The following DUSP7 variants were observed in gnomAD, a reference collection of about 807,000 sequenced individuals.
DUSP7 encodes the protein dual specificity phosphatase 7.
A neutral mutation model predicts 29.8 loss-of-function variants in DUSP7; 7 were observed. The ratio of observed to expected loss-of-function variants is 0.24; its 90% CI spans 0.13 to 0.44. DUSP7 has a LOEUF of 0.44. DUSP7 is among the 20% of genes least tolerant of loss of function. The pLI is 1.00. For missense variants in DUSP7, 400 were observed against 583.7 expected, an observed-to-expected ratio of 0.69 and a Z score of 3.24; for synonymous variants, 287 against 275.4, an observed-to-expected ratio of 1.04 and a Z score of -0.42.
rs1371847714 is a variant in DUSP7, at chr3:52,053,886, T to G, written c.952+54A>C. The G allele has an allele frequency of 6.2e-7, 1 of 1,600,158 alleles. No individual in the cohort carries two copies. Among genetic ancestry groups the G allele is most frequent in the South Asian group, 1.1e-5 (1 of 90,526 alleles). ...AGTCAGGCGGGGGCGCCACCCAGAG[T>G]CCTGCATACACCTTGATGCACCCAC... On this transcript the variant is annotated intron_variant, in intron 2 of 2. Transcript: ENST00000495880. The surrounding 1 kb of genome is among the most constrained non-coding windows in gnomAD (Gnocchi z 4.6).
intron 2 of DUSP7, chr3:52,052,479 T>G (rs1701856959): frequency 6.6e-6 from 1 of 152,180 alleles, no homozygotes; most frequent in African/African-American, 2.4e-5. Context: ...TGAGGAGCTG[T>G]GTGGTCAGAC....
chr3:52,056,433 G>A lies in DUSP7; in HGVS notation c.-67C>T. ...CCCTGGGACGGCGCCCCGGCCGCGC[G>A]GGCCCCAGCCGCGTCTCCGGGCGCC... On this transcript the variant is annotated 5_prime_UTR_variant, in exon 1 of 3. Coordinates refer to ENST00000495880, the MANE Select transcript of DUSP7 (RefSeq NM_001947.4). The surrounding 1 kb of genome is among the most constrained non-coding windows in gnomAD (Gnocchi z 6.4). 3 of 886,090 alleles carry A rather than the reference G, an allele frequency of 3.4e-6. No homozygotes were observed. Among genetic ancestry groups the A allele is most frequent in the South Asian group, 5.0e-5 (1 of 19,806 alleles). 54.9% of individuals were successfully genotyped at this position (886,090 alleles called of 1,614,324 possible).
In DUSP7 at chr3:52,050,556, GA is replaced by G; in HGVS notation, c.*258del. Reference sequence around the variant, plus strand: ...CAGCAGAAAGGAGCGTCCTGGACAGGATGAGGCCCTGGTGGACGCCCAAAGC... The same window carrying G: ...CAGCAGAAAGGAGCGTCCTGGACAGGTGAGGCCCTGGTGGACGCCCAAAGC... On this transcript the variant is annotated 3_prime_UTR_variant, in exon 3 of 3. Transcript: ENST00000495880. The surrounding 1 kb of genome is among the most constrained non-coding windows in gnomAD (Gnocchi z 5.0). The G allele has an allele frequency of 2.1e-6, 1 of 485,764 alleles. No individual in the cohort carries two copies. Among genetic ancestry groups the G allele is most frequent in the Non-Finnish European group, 3.7e-6 (1 of 272,558 alleles). The allele number at this position is 485,764 out of a possible 1,614,324, so 30.1% of individuals were successfully genotyped here.
rs1293474702 is a variant in DUSP7, at chr3:52,056,113, G to A, written c.254C>T (p.Ser85Leu). The A allele has an allele frequency of 6.2e-7, 1 of 1,606,378 alleles. No homozygotes were observed. The highest frequency in any genetic ancestry group is 2.2e-5 in the East Asian group (1 of 44,684). ...LDCRPHELFE[S>L]SHIETAINLA... is the part of the protein sequence containing the mutation. ...GTTGATGGCCGTCTCGATGTGCGAC[G>A]ACTCGAAGAGCTCGTGCGGCCGGCA... The change falls in exon 1 of 3, where the codon TCG becomes TTG. Residue 85 changes from serine to leucine, a missense_variant. Physicochemically the swap from Ser to Leu is moderately radical, Grantham distance 145 (BLOSUM62 -2). Transcript: ENST00000495880. This position sits in a 1 kb window ranked among gnomAD's most constrained non-coding sequence, Gnocchi z 6.4.
rs1209100853 is a variant in DUSP7, at chr3:52,050,776, G to A, written c.*39C>T. Reference sequence around the variant, plus strand: ...CTCCCACCTAGCCCTGTGGAGAGCCGAGCAGGGGCCTGGTGCCATGCCCCC... The same window carrying A: ...CTCCCACCTAGCCCTGTGGAGAGCCAAGCAGGGGCCTGGTGCCATGCCCCC... On this transcript the variant is annotated 3_prime_UTR_variant, in exon 3 of 3. Coordinates refer to ENST00000495880, the MANE Select transcript of DUSP7 (RefSeq NM_001947.4). The surrounding 1 kb of genome is among the most constrained non-coding windows in gnomAD (Gnocchi z 5.0). 3.8e-6 allele frequency: 6 copies of A among 1,583,932 alleles called. No individual in the cohort carries two copies. The highest frequency in any genetic ancestry group is 2.2e-5 in the East Asian group (1 of 44,516).
At position 52,051,425 on chromosome 3, in the gene DUSP7, G is replaced by C. The variant is rs914435364; in HGVS notation, c.953-303C>G. Among the ~76,000 whole-genome samples the C allele has an allele frequency of 6.6e-6, 1 of 152,238 alleles. No individual in the cohort carries two copies. The highest frequency in any genetic ancestry group is 2.4e-5 in the African/African-American group (1 of 41,456). On this transcript the variant is annotated intron_variant, in intron 2 of 2. Transcript: ENST00000495880. The surrounding 1 kb of genome is among the most constrained non-coding windows in gnomAD (Gnocchi z 4.8). ...TCTCATAAGGACCTGAGCCAAGTGA[G>C]GGGTCAACAAACATGAACTACTGTA... is the stretch of plus-strand genomic sequence containing the variant.
rs1321594098 is a variant in DUSP7, at chr3:52,050,633, T to G, written c.*182A>C. ...CCAGCAAGCCCTGCAGTGGGAGACC[T>G]TGCCTGCGGGCCCTGCCCCCAAGGA... is the stretch of plus-strand genomic sequence containing the variant. On this transcript the variant is annotated 3_prime_UTR_variant, in exon 3 of 3. Coordinates refer to ENST00000495880, the MANE Select transcript of DUSP7 (RefSeq NM_001947.4). This position sits in a 1 kb window ranked among gnomAD's most constrained non-coding sequence, Gnocchi z 5.0. 2 of 727,932 alleles carry G rather than the reference T, an allele frequency of 2.7e-6. No individual in the cohort carries two copies. Among genetic ancestry groups the G allele is most frequent in the Admixed American group, 6.1e-5 (2 of 32,698 alleles). The allele number at this position is 727,932 out of a possible 1,614,324, so 45.1% of individuals were successfully genotyped here.
At position 52,054,493 on chromosome 3, in the gene DUSP7, T is replaced by A; in HGVS notation, c.518-119A>T. On this transcript the variant is annotated intron_variant, in intron 1 of 2. Coordinates refer to ENST00000495880, the MANE Select transcript of DUSP7 (RefSeq NM_001947.4). The surrounding 1 kb of genome is among the most constrained non-coding windows in gnomAD (Gnocchi z 4.1). ...AACACCACAGCACCCACGGTCAGCA[T>A]GGGCCATGCCAAGCATGTTACACGT... 1.3e-6 allele frequency: 1 copy of A among 786,740 alleles called. No homozygotes were observed. The highest frequency in any genetic ancestry group is 2.0e-6 in the Non-Finnish European group (1 of 506,698). The allele number at this position is 786,740 out of a possible 1,614,324, so 48.7% of individuals were successfully genotyped here. A position where few individuals can be genotyped will look rare whatever the true frequency, so the allele number is the denominator to read the frequency against.
Position 52,056,259 on chromosome 3 carries a change from C to T in DUSP7, c.108G>A (p.Gly36=). Residue 36 remains glycine, a synonymous_variant, in exon 1 of 3, where the codon GGG becomes GGA. Transcript: ENST00000495880. The surrounding 1 kb of genome is among the most constrained non-coding windows in gnomAD (Gnocchi z 6.4). ...CGCCCGCCCCGGTGCCTGCGCCGGACCCCGACCCCGCACCGGGCTCGGACC... is the reference window on the plus strand; with the variant it reads ...CGCCCGCCCCGGTGCCTGCGCCGGATCCCGACCCCGCACCGGGCTCGGACC... ...RAGSEPGAGS[G]SGAGTGAGAA... 7.5e-7 allele frequency: 1 copy of T among 1,340,644 alleles called. No individual in the cohort carries two copies. The highest frequency in any genetic ancestry group is 1.9e-5 in the South Asian group (1 of 53,718). 83.0% of individuals were successfully genotyped at this position (1,340,644 alleles called of 1,614,324 possible). A position where few individuals can be genotyped will look rare whatever the true frequency, so the allele number is the denominator to read the frequency against.
Position 52,054,193 on chromosome 3 carries a change from G to A in DUSP7, c.699C>T (p.Asp233=), listed in dbSNP as rs1034852686. The change falls in exon 2 of 3, where the codon GAC becomes GAT. Residue 233 remains aspartate, a synonymous_variant. Coordinates refer to ENST00000495880, the MANE Select transcript of DUSP7 (RefSeq NM_001947.4). The surrounding 1 kb of genome is among the most constrained non-coding windows in gnomAD (Gnocchi z 4.1). The part of the protein sequence containing the change: ...RELPSSATES[D]GSPVPSSQPA... ...GTTGGCTGGATGGCACAGGGCTGCC[G>A]TCTGACTCGGTGGCACTGCTGGGCA... is the stretch of plus-strand genomic sequence containing the variant. 3.3e-5 allele frequency: 53 copies of A among 1,613,228 alleles called. No homozygotes were observed. The highest frequency in any genetic ancestry group is 5.5e-5 in the South Asian group (5 of 91,042).
rs998157049 is a variant in DUSP7 at position 52,054,905 on chromosome 3, C to G, written c.518-531G>C. Among the ~76,000 whole-genome samples the G allele has an allele frequency of 6.6e-6, 1 of 152,216 alleles. No homozygotes were observed. The highest frequency in any genetic ancestry group is 2.4e-5 in the African/African-American group (1 of 41,446). On this transcript the variant is annotated intron_variant, in intron 1 of 2. Coordinates refer to ENST00000495880, the MANE Select transcript of DUSP7 (RefSeq NM_001947.4). This position sits in a 1 kb window ranked among gnomAD's most constrained non-coding sequence, Gnocchi z 4.1. ...ACGGGAGTCTAGTGGTTGCCCAGCC[C>G]CGAAACTACAGCTGGGGAGGGTAGT...
Position 52,054,829 on chromosome 3 carries a change from C to A in DUSP7, c.518-455G>T, listed in dbSNP as rs1238685106. 6.6e-6 allele frequency among the ~76,000 whole-genome samples: 1 copy of A among 152,224 alleles called. No individual in the cohort carries two copies. Among genetic ancestry groups the A allele is most frequent in the African/African-American group, 2.4e-5 (1 of 41,456 alleles). On this transcript the variant is annotated intron_variant, in intron 1 of 2. Coordinates refer to ENST00000495880, the MANE Select transcript of DUSP7 (RefSeq NM_001947.4). This position sits in a 1 kb window ranked among gnomAD's most constrained non-coding sequence, Gnocchi z 4.1. ...CCTCTTATAGATGAGACCACAGGTG[C>A]CAGAGCCACATCTGGCTCAGTTAGA... is the stretch of plus-strand genomic sequence containing the variant.
In DUSP7 at chr3:52,049,823, T is replaced by G. The variant is rs1577765191; in HGVS notation, c.*992A>C. The G allele has an allele frequency of 6.6e-6, 1 of 151,674 alleles. No homozygotes were observed. Among genetic ancestry groups the G allele is most frequent in the African/African-American group, 2.4e-5 (1 of 41,262 alleles). 9.4% of individuals were successfully genotyped at this position (151,674 alleles called of 1,614,324 possible). A position where few individuals can be genotyped will look rare whatever the true frequency, so the allele number is the denominator to read the frequency against. The stretch of plus-strand genomic sequence containing the variant: ...CAGACAGACAGAAGTAGTGGCTAAG[T>G]ATATAAAAGGGCTCAGAGCCCAGGC... On this transcript the variant is annotated 3_prime_UTR_variant, in exon 3 of 3. Transcript: ENST00000495880.
At chr3:52,052,333 C>T (rs1701856181) in intron 2 of DUSP7, 1 of 152,346 alleles carries the variant, frequency 6.6e-6, no homozygotes, top group Non-Finnish European at 1.5e-5. Context: ...GACAGAGCTT[C>T]CTCTCCCATC....
chr3:52,056,110 G>A lies in DUSP7; in HGVS notation c.257C>T (p.Ser86Leu), dbSNP rs1362858034. ...CAGGTTGATGGCCGTCTCGATGTGC[G>A]ACGACTCGAAGAGCTCGTGCGGCCG... The part of the protein sequence containing the change: ...DCRPHELFES[S>L]HIETAINLAI... The change falls in exon 1 of 3, where the codon TCG becomes TTG. Residue 86 changes from serine (S) to leucine (L), a missense_variant. This residue lies in a region of DUSP7 where 223 missense variants were observed against 360.9 expected (regional missense o/e 0.62). Coordinates refer to ENST00000495880, the MANE Select transcript of DUSP7 (RefSeq NM_001947.4). The surrounding 1 kb of genome is among the most constrained non-coding windows in gnomAD (Gnocchi z 6.4). The A allele has an allele frequency of 6.2e-7, 1 of 1,607,148 alleles. No individual in the cohort carries two copies. The highest frequency in any genetic ancestry group is 8.5e-7 in the Non-Finnish European group (1 of 1,178,794).
chr3:52,049,059 C>A lies in DUSP7; in HGVS notation c.*1756G>T, dbSNP rs1428850961. The A allele has an allele frequency of 6.6e-6, 1 of 151,996 alleles. No homozygotes were observed. Among genetic ancestry groups the A allele is most frequent in the African/African-American group, 2.4e-5 (1 of 41,336 alleles). 9.4% of individuals were successfully genotyped at this position (151,996 alleles called of 1,614,324 possible). A position where few individuals can be genotyped will look rare whatever the true frequency, so the allele number is the denominator to read the frequency against. On this transcript the variant is annotated 3_prime_UTR_variant, in exon 3 of 3. Transcript: ENST00000495880. ...TCATAAGATCATAAAGCAAAACTGG[C>A]CACCTTCTGGCATACCCTCATTTAC... is the stretch of plus-strand genomic sequence containing the variant.
chr3:52,055,193 T>C (rs913733875), intron 1 of DUSP7, among the ~76,000 whole-genome samples: 1 of 118,440 alleles, frequency 8.4e-6, no homozygotes, highest in Admixed American at 1.2e-4. Context: ...CATTTTGGAA[T>C]GTTAATTGGA....
rs1370304425 is a variant in DUSP7 at position 52,049,984 on chromosome 3, A to G, written c.*831T>C. 1 of 152,216 alleles carries G rather than the reference A, an allele frequency of 6.6e-6. No homozygotes were observed. Among genetic ancestry groups the G allele is most frequent in the Non-Finnish European group, 1.5e-5 (1 of 68,048 alleles). The allele number at this position is 152,216 out of a possible 1,614,324, so 9.4% of individuals were successfully genotyped here. On this transcript the variant is annotated 3_prime_UTR_variant, in exon 3 of 3. Coordinates refer to ENST00000495880, the MANE Select transcript of DUSP7 (RefSeq NM_001947.4). ...GAGGTCTGCAGGGACCACCAGAGGG[A>G]TGGATGAGACGGCAGAAAATGCAAA...
intron 1 of DUSP7, among the ~76,000 whole-genome samples, chr3:52,055,429 G>C (rs1701892198): frequency 6.6e-6 from 1 of 152,160 alleles, no homozygotes; most frequent in Admixed American, 6.5e-5. Context: ...TGGAGGTGAG[G>C]ATGGTGCTAT....
Sources: gnomAD v4.1 joint callset for allele counts (sites outside exome capture counted in the v4.1 genomes callset) on GRCh38, gnomAD v4.1.1 for gene constraint, gnomAD v4.1.1 regional missense constraint, Gnocchi (gnomAD v3.1) non-coding constraint, MANE v1.5 for transcripts, NCBI Gene and HGNC (gene_info 2026-07-23, HGNC 2026-07-21) for gene names.